The following IMMT variants were observed in gnomAD, a reference collection of about 807,000 sequenced individuals.
IMMT encodes the protein inner membrane mitochondrial protein, also known as MICOS complex subunit MIC60.
Under a neutral mutation model 92.7 loss-of-function variants are expected in IMMT, and 40 were observed. That is an observed-to-expected ratio of 0.43 (90% CI 0.34 to 0.56). The LOEUF is 0.56. IMMT is among the 20% of genes least tolerant of loss of function. The pLI, the probability that IMMT is intolerant of heterozygous loss-of-function variation, is 0.03. For missense variants in IMMT, 831 were observed against 912.1 expected, an observed-to-expected ratio of 0.91 and a Z score of 1.14; for synonymous variants, 322 against 336.1, an observed-to-expected ratio of 0.96 and a Z score of 0.46.
chr2:86,163,629 A>C (rs1012288714), intron 7 of IMMT, among the ~76,000 whole-genome samples: 1 of 152,178 alleles, frequency 6.6e-6, no homozygotes, highest in African/African-American at 2.4e-5. Flanking sequence ...ACTCCAGGAT[A>C]AGAGTCCATA....
chr2:86,189,537 G>T (rs915371727), intron 1 of IMMT, among the ~76,000 whole-genome samples: 8 of 152,194 alleles, frequency 5.3e-5, no homozygotes, highest in South Asian at 2.1e-4. Flanking sequence ...AAACTAAAGT[G>T]AAGACATAAA....
In IMMT at chr2:86,171,925, C is replaced by CA. The variant is rs1255321163; in HGVS notation, c.422-581dup. Among the ~76,000 whole-genome samples the CA allele has an allele frequency of 1.5e-4, 22 of 149,490 alleles. No individual in the cohort carries two copies. The South Asian group carries it at 4.4e-3, about 30-fold the overall frequency. On this transcript the variant is annotated intron_variant, in intron 4 of 14. Coordinates refer to ENST00000410111, the MANE Select transcript of IMMT (RefSeq NM_006839.3). ...CAACACAGCAAGATCCCATCTCTAT[C>CA]AATCACTCAATCAATTTTTTGTGTG...
chr2:86,172,621 T>C (rs946621535), intron 4 of IMMT, among the ~76,000 whole-genome samples: 3 of 152,224 alleles, frequency 2.0e-5, no homozygotes, highest in South Asian at 2.1e-4. Flanking sequence ...CATGAGCCCA[T>C]GCACCTGGCC....
chr2:86,158,560 C>CA (rs761995600), intron 10 of IMMT, 32 bp downstream of exon 10: 10,194 of 582,152 alleles, frequency 0.018, 1 homozygote, highest in South Asian at 0.034. Flanking sequence ...GTTAAAACAT[C>CA]AAAAAAAAAA....
At chr2:86,171,135 G>C in intron 5 of IMMT, 73 bp downstream of exon 5, 1 of 1,295,546 alleles carries the variant, frequency 7.7e-7, no homozygotes, top group Non-Finnish European at 1.1e-6. Flanking sequence ...TAGTGTCTAC[G>C]TGTTGCCTAG....
In IMMT at chr2:86,158,690, A is replaced by ACAACCTTAGCCTCAGACTGAGCTG; in HGVS notation, c.1040_1063dup (p.Ala347_Val354dup). On this transcript the variant is annotated inframe_insertion, in exon 10 of 15. Coordinates refer to ENST00000410111, the MANE Select transcript of IMMT (RefSeq NM_006839.3). ...GACCACCAGCTCATGATACTGAGAT[A>ACAACCTTAGCCTCAGACTGAGCTG]CAACCTTAGCCTCAGACTGAGCTGC... is the stretch of plus-strand genomic sequence containing the variant. 6.2e-7 allele frequency: 1 copy of ACAACCTTAGCCTCAGACTGAGCTG among 1,606,600 alleles called. No homozygotes were observed. The highest frequency in any genetic ancestry group is 8.5e-7 in the Non-Finnish European group (1 of 1,176,250).
chr2:86,158,164 T>C (rs1440867983), intron 10 of IMMT, among the ~76,000 whole-genome samples: 1 of 152,228 alleles, frequency 6.6e-6, no homozygotes, highest in Non-Finnish European at 1.5e-5. Context: ...CAACAAAGTG[T>C]TGTTTTGTCA....
rs754479475 is a variant in IMMT at position 86,144,495 on chromosome 2, C to T, written c.2050G>A (p.Asp684Asn). The T allele has an allele frequency of 6.2e-7, 1 of 1,613,974 alleles. No individual in the cohort carries two copies. Among genetic ancestry groups the T allele is most frequent in the African/African-American group, 1.3e-5 (1 of 75,042 alleles). The change falls in exon 15 of 15, where the codon GAT becomes AAT. Residue 684 changes from aspartate to asparagine, a missense_variant. Physicochemically the swap from Asp to Asn is conservative, Grantham distance 23. Transcript: ENST00000410111. Reference protein sequence around the residue: ...LKPPPELCPEDINTFKLLSYA... With the variant: ...LKPPPELCPENINTFKLLSYA... ...GACAGTAATTTAAATGTGTTTATAT[C>T]CTCAGGGCAGAGCTCTGGGGGCGGC...
Position 86,151,519 on chromosome 2 carries a change from A to T in IMMT, c.1179T>A (p.Ala393=). 1 of 1,608,586 alleles carries T rather than the reference A, an allele frequency of 6.2e-7. No homozygotes were observed. The highest frequency in any genetic ancestry group is 8.5e-7 in the Non-Finnish European group (1 of 1,174,942). Residue 393 remains alanine, a splice_region_variant and synonymous_variant, in exon 12 of 15, where the codon GCT becomes GCA. Coordinates refer to ENST00000410111, the MANE Select transcript of IMMT (RefSeq NM_006839.3). ...TCAGATCATCAGTAGAGAGCTTGTC[A>T]GCTAAGCAAAAGAGCATGTTAAAAT... ...GWKGMSVSDL[A]DKLSTDDLNS...
chr2:86,167,327 ACGC>A (rs1310338063), intron 6 of IMMT, among the ~76,000 whole-genome samples: 53 of 149,004 alleles, frequency 3.6e-4, no homozygotes, highest in Non-Finnish European at 5.1e-4. Flanking sequence ...GCATACCACC[ACGC>A]CCAGCTAATT....
intron 7 of IMMT, among the ~76,000 whole-genome samples, chr2:86,164,245 C>T (rs1676508045): frequency 2.0e-5 from 3 of 151,000 alleles, no homozygotes; most frequent in Non-Finnish European, 4.4e-5. Context: ...TTAGTAGAAA[C>T]GGGGTTTCTC....
intron 4 of IMMT, chr2:86,171,577 G>A: frequency 4.4e-6 from 2 of 458,940 alleles, no homozygotes; most frequent in South Asian, 2.9e-5. Context: ...AGTCTTGTCT[G>A]CATCCACCTG....
chr2:86,154,887 A>G (rs1269337781), intron 10 of IMMT, among the ~76,000 whole-genome samples: 4 of 151,250 alleles, frequency 2.6e-5, no homozygotes, highest in African/African-American at 9.7e-5. Flanking sequence ...TTTTTTTGAG[A>G]CGGAGTCTCC....
At chr2:86,155,183 C>G (rs1675768910) in intron 10 of IMMT, among the ~76,000 whole-genome samples, 1 of 152,102 alleles carries the variant, frequency 6.6e-6, no homozygotes, top group Non-Finnish European at 1.5e-5. Flanking sequence ...TTCTTAATAA[C>G]CTTTGCATTC....
At chr2:86,156,593 C>CA (rs57252871) in intron 10 of IMMT, among the ~76,000 whole-genome samples, 3,733 of 43,030 alleles carry the variant, frequency 0.087, 203 homozygotes, top group East Asian at 0.38. Flanking sequence ...GACTCCATCT[C>CA]AAAAAAAAAA....
intron 7 of IMMT, among the ~76,000 whole-genome samples, chr2:86,165,791 G>A (rs913900314): frequency 1.3e-5 from 2 of 151,998 alleles, no homozygotes; most frequent in African/African-American, 4.8e-5. Context: ...GGTGTTTCAG[G>A]GAACATGAGA....
intron 11 of IMMT, among the ~76,000 whole-genome samples, chr2:86,152,457 A>AAAAAAAAGAG: frequency 6.7e-6 from 1 of 149,710 alleles, no homozygotes; most frequent in East Asian, 2.0e-4. Flanking sequence ...AAAAAAAAAA[A>AAAAAAAAGAG]AGAGAGAATT....
intron 7 of IMMT, among the ~76,000 whole-genome samples, chr2:86,164,137 A>C (rs1676500044): frequency 7.4e-6 from 1 of 136,032 alleles, no homozygotes; most frequent in Admixed American, 8.2e-5. Flanking sequence ...GGCTCACCAC[A>C]ACCTCCACCT....
At chr2:86,186,492 G>A (rs1160152299) in intron 1 of IMMT, among the ~76,000 whole-genome samples, 1 of 152,192 alleles carries the variant, frequency 6.6e-6, no homozygotes, top group Non-Finnish European at 1.5e-5. Context: ...TGTAACTCCT[G>A]AGACTAAGAC....
Sources: gnomAD v4.1 joint callset for allele counts (sites outside exome capture counted in the v4.1 genomes callset) on GRCh38, gnomAD v4.1.1 for gene constraint, MANE v1.5 for transcripts, NCBI Gene and HGNC (gene_info 2026-07-23, HGNC 2026-07-21) for gene names.